KCND2: variants seen among roughly 807,000 people sequenced by gnomAD.
KCND2 encodes the protein potassium voltage-gated channel subfamily D member 2.
Under a neutral mutation model 54.4 loss-of-function variants are expected in KCND2, and 16 were observed. The ratio of observed to expected loss-of-function variants is 0.29; its 90% CI spans 0.20 to 0.45. The LOEUF is 0.45. KCND2 is among the 20% of genes least tolerant of loss of function. The pLI is 1.00. For missense variants in KCND2, 486 were observed against 824.2 expected, an observed-to-expected ratio of 0.59 and a Z score of 5.02; for synonymous variants, 317 against 310.7, an observed-to-expected ratio of 1.02 and a Z score of -0.21.
chr7:120,401,600 T>A (rs576937566), intron 1 of KCND2, among the ~76,000 whole-genome samples: 1 of 152,252 alleles, frequency 6.6e-6, no homozygotes, highest in East Asian at 1.9e-4. Context: ...AAAGCTTTGA[T>A]AGATATTTCA....
chr7:120,603,607 G>A (rs553142659), intron 1 of KCND2, among the ~76,000 whole-genome samples: 1 of 152,274 alleles, frequency 6.6e-6, no homozygotes, highest in East Asian at 1.9e-4. Flanking sequence ...ATAGGCATTG[G>A]ATCAAATCCT....
intron 1 of KCND2, among the ~76,000 whole-genome samples, chr7:120,690,669 A>G (rs80262844): frequency 6.6e-6 from 1 of 152,178 alleles, no homozygotes. Flanking sequence ...GTCACAAATA[A>G]CAAGCTATAT....
At chr7:120,534,298 T>C (rs1456189645) in intron 1 of KCND2, among the ~76,000 whole-genome samples, 1 of 152,146 alleles carries the variant, frequency 6.6e-6, no homozygotes, top group East Asian at 1.9e-4. Context: ...CATTGCATGA[T>C]GTAATATGAA....
intron 1 of KCND2, among the ~76,000 whole-genome samples, chr7:120,724,149 C>T (rs1241955272): frequency 2.0e-5 from 3 of 152,140 alleles, no homozygotes; most frequent in African/African-American, 7.2e-5. Context: ...ATTATTTGCT[C>T]AGCACTGGAC....
rs1799717841 is a variant in KCND2, at chr7:120,310,270, T to C, written c.1115+34523T>C. ...CTAAGTTACTTGTGTTAGTCTAAAA[T>C]TGCAAAAATTATAGGATAATATGAA... On this transcript the variant is annotated intron_variant, in intron 1 of 5. Coordinates refer to ENST00000331113, the MANE Select transcript of KCND2 (RefSeq NM_012281.3). Among the ~76,000 whole-genome samples the C allele has an allele frequency of 2.6e-5, 4 of 152,258 alleles. No individual in the cohort carries two copies. The South Asian group carries it at 8.3e-4, about 32-fold the overall frequency.
chr7:120,739,819 A>G (rs1792918301), intron 2 of KCND2, among the ~76,000 whole-genome samples: 1 of 151,776 alleles, frequency 6.6e-6, no homozygotes, highest in Non-Finnish European at 1.5e-5. Flanking sequence ...ACACACACAC[A>G]CACACACACA....
At chr7:120,343,883 A>C (rs892357178) in intron 1 of KCND2, among the ~76,000 whole-genome samples, 2 of 152,134 alleles carry the variant, frequency 1.3e-5, no homozygotes, top group Non-Finnish European at 2.9e-5. Flanking sequence ...ATGAGCCTTT[A>C]TGCTTATTGC....
intron 1 of KCND2, among the ~76,000 whole-genome samples, chr7:120,555,389 A>G (rs1263062234): frequency 6.6e-6 from 1 of 152,196 alleles, no homozygotes; most frequent in East Asian, 1.9e-4. Flanking sequence ...CCTGAACTCA[A>G]GCAATCCTCC....
chr7:120,640,224 G>C (rs1001412722), intron 1 of KCND2, among the ~76,000 whole-genome samples: 1 of 151,964 alleles, frequency 6.6e-6, no homozygotes, highest in African/African-American at 2.4e-5. Flanking sequence ...TGAAATGTTG[G>C]CACCACCACC....
chr7:120,286,997 A>G (rs1401976160), intron 1 of KCND2, among the ~76,000 whole-genome samples: 5 of 152,088 alleles, frequency 3.3e-5, no homozygotes, highest in Non-Finnish European at 7.4e-5. Context: ...AGCAGGAAGT[A>G]TAGTATATGT....
intron 1 of KCND2, among the ~76,000 whole-genome samples, chr7:120,380,402 T>C (rs555795422): frequency 3.4e-4 from 52 of 151,946 alleles, no homozygotes; most frequent in Non-Finnish European, 5.2e-4. Flanking sequence ...GGTCAGAGAG[T>C]GTGTAGGTGA....
chr7:120,300,211 T>C (rs560486205), intron 1 of KCND2, among the ~76,000 whole-genome samples: 1 of 152,260 alleles, frequency 6.6e-6, no homozygotes, highest in East Asian at 1.9e-4. Flanking sequence ...ATTGACTTAA[T>C]TTGGAATTGA....
intron 1 of KCND2, among the ~76,000 whole-genome samples, chr7:120,321,892 G>A (rs975743086): frequency 4.6e-5 from 7 of 151,956 alleles, no homozygotes; most frequent in African/African-American, 1.2e-4. Flanking sequence ...TATAACATTC[G>A]GAAGATGCTA....
chr7:120,304,003 T>C (rs938782091), intron 1 of KCND2, among the ~76,000 whole-genome samples: 1 of 152,124 alleles, frequency 6.6e-6, no homozygotes, highest in African/African-American at 2.4e-5. Context: ...TTAGTTGCAT[T>C]ATTGAAGCTT....
At position 120,522,447 on chromosome 7, in the gene KCND2, A is replaced by G. The variant is rs138512263; in HGVS notation, c.1116-210456A>G. 5.3e-3 allele frequency among the ~76,000 whole-genome samples: 814 copies of G among 152,284 alleles called. 4 individuals carry two copies. The highest frequency in any genetic ancestry group is 0.018 in the African/African-American group (750 of 41,568). On this transcript the variant is annotated intron_variant, in intron 1 of 5. Coordinates refer to ENST00000331113, the MANE Select transcript of KCND2 (RefSeq NM_012281.3). The stretch of plus-strand genomic sequence containing the variant: ...TTTAGTTACTCCTTCCAAGATAGAG[A>G]TATTTAAAGATCAATGGGATATGTA...
At chr7:120,444,192 A>T (rs930677246) in intron 1 of KCND2, among the ~76,000 whole-genome samples, 2 of 152,074 alleles carry the variant, frequency 1.3e-5, no homozygotes, top group African/African-American at 4.8e-5. Context: ...CTATTGCATA[A>T]TTTCCACTTA....
intron 1 of KCND2, among the ~76,000 whole-genome samples, chr7:120,408,598 T>C (rs2116100876): frequency 6.6e-6 from 1 of 152,024 alleles, no homozygotes; most frequent in African/African-American, 2.4e-5. Flanking sequence ...GAAGTTGTCG[T>C]ATGCTCTATT....
chr7:120,465,183 T>G (rs1802349524), intron 1 of KCND2, among the ~76,000 whole-genome samples: 1 of 152,166 alleles, frequency 6.6e-6, no homozygotes, highest in Non-Finnish European at 1.5e-5. Flanking sequence ...TTATGTCATA[T>G]TTTTAAGGAT....
chr7:120,506,271 T>C (rs1345025258), intron 1 of KCND2, among the ~76,000 whole-genome samples: 2 of 151,770 alleles, frequency 1.3e-5, no homozygotes, highest in Non-Finnish European at 3.0e-5. Context: ...TACACAAAGA[T>C]AAATATGAAT....
Sources: gnomAD v4.1 joint callset for allele counts (sites outside exome capture counted in the v4.1 genomes callset) on GRCh38, gnomAD v4.1.1 for gene constraint, MANE v1.5 for transcripts, NCBI Gene and HGNC (gene_info 2026-07-23, HGNC 2026-07-21) for gene names.